Variants in ROBO1 observed in about 807,000 individuals in gnomAD.
ROBO1 encodes the protein roundabout homolog 1.
ROBO1 carries 149 observed loss-of-function variants against 195.9 expected under a neutral mutation model. The ratio of observed to expected loss-of-function variants is 0.76; its 90% confidence interval spans 0.67 to 0.87. The LOEUF is 0.87. ROBO1 is among the 40% of genes least tolerant of loss of function. The pLI, the probability that ROBO1 is intolerant of heterozygous loss-of-function variation, is 0.00. For synonymous variants in ROBO1, 816 were observed against 733.2 expected, an observed-to-expected ratio of 1.11 and a Z score of -1.82; for missense variants, 1,933 against 2,068.3, an observed-to-expected ratio of 0.93 and a Z score of 1.27.
chr3:79,549,334 A>G (rs1455029931), intron 2 of ROBO1, among the ~76,000 whole-genome samples: 4 of 152,158 alleles, frequency 2.6e-5, no homozygotes, highest in South Asian at 4.1e-4. Flanking sequence ...CATATATATG[A>G]TACACAAACA....
intron 2 of ROBO1, among the ~76,000 whole-genome samples, chr3:79,559,169 A>G (rs987102822): frequency 1.3e-5 from 2 of 152,198 alleles, no homozygotes; most frequent in Admixed American, 1.3e-4. Flanking sequence ...AGCTCTAGCC[A>G]GTCAGCTGAT....
chr3:79,405,896 T>C (rs1452300134), intron 2 of ROBO1, among the ~76,000 whole-genome samples: 1 of 152,114 alleles, frequency 6.6e-6, no homozygotes, highest in East Asian at 1.9e-4. Flanking sequence ...TCAAAACTAG[T>C]GCTCTTAAAG....
chr3:79,741,641 A>C (rs1358568736), intron 1 of ROBO1, among the ~76,000 whole-genome samples: 1 of 152,194 alleles, frequency 6.6e-6, no homozygotes, highest in Non-Finnish European at 1.5e-5. Flanking sequence ...CTATAAAGAT[A>C]TCTGAAAATG....
intron 3 of ROBO1, among the ~76,000 whole-genome samples, chr3:79,070,129 T>G (rs1488911604): frequency 6.6e-6 from 1 of 151,892 alleles, no homozygotes; most frequent in African/African-American, 2.4e-5. Context: ...ATCTCTGACC[T>G]TCTCCTGAGA....
At chr3:79,227,603 C>T (rs964849497) in intron 2 of ROBO1, among the ~76,000 whole-genome samples, 1 of 152,136 alleles carries the variant, frequency 6.6e-6, no homozygotes, top group Non-Finnish European at 1.5e-5. Flanking sequence ...ATCTCTGGTT[C>T]TGACCTCCAG....
At chr3:79,289,523 C>T (rs919823784) in intron 2 of ROBO1, among the ~76,000 whole-genome samples, 1 of 152,144 alleles carries the variant, frequency 6.6e-6, no homozygotes, top group Non-Finnish European at 1.5e-5. Context: ...TTTACTGTCT[C>T]CCTCTTGGTA....
intron 5 of ROBO1, among the ~76,000 whole-genome samples, chr3:78,720,255 C>T (rs2082009271): frequency 6.6e-6 from 1 of 152,158 alleles, no homozygotes; most frequent in Non-Finnish European, 1.5e-5. Flanking sequence ...ATGACTTGTG[C>T]AATGTCACAC....
chr3:79,274,265 C>T (rs2030828907), intron 2 of ROBO1, among the ~76,000 whole-genome samples: 2 of 151,480 alleles, frequency 1.3e-5, no homozygotes, highest in Non-Finnish European at 3.0e-5. Context: ...TATGTTAGGC[C>T]ACATTTTTTT....
At chr3:79,191,075 T>C (rs537277351) in intron 2 of ROBO1, among the ~76,000 whole-genome samples, 5 of 151,748 alleles carry the variant, frequency 3.3e-5, no homozygotes, top group Admixed American at 1.3e-4. Flanking sequence ...TTTTAAAATA[T>C]GTAGAAAATA....
At chr3:79,666,371 A>T (rs1471951780) in intron 1 of ROBO1, among the ~76,000 whole-genome samples, 1 of 151,948 alleles carries the variant, frequency 6.6e-6, no homozygotes, top group Non-Finnish European at 1.5e-5. Context: ...ACAATTGATT[A>T]GTTATTCATT....
intron 3 of ROBO1, among the ~76,000 whole-genome samples, chr3:79,060,274 C>T (rs1401532962): frequency 2.0e-5 from 3 of 151,896 alleles, no homozygotes; most frequent in African/African-American, 7.2e-5. Flanking sequence ...GGACCTTCAT[C>T]AGTAATTCTA....
chr3:79,612,044 A>G (rs1308893180), intron 1 of ROBO1, among the ~76,000 whole-genome samples: 1 of 150,866 alleles, frequency 6.6e-6, no homozygotes, highest in Non-Finnish European at 1.5e-5. Context: ...TTATTTTTTT[A>G]TACTTTTAAG....
intron 2 of ROBO1, among the ~76,000 whole-genome samples, chr3:79,513,695 C>A (rs1007457289): frequency 1.5e-4 from 16 of 109,452 alleles, no homozygotes; most frequent in African/African-American, 6.7e-4. Context: ...ATAAAAATAA[C>A]CTGAATTTGC....
chr3:78,979,434 T>C (rs2076946826), intron 3 of ROBO1, among the ~76,000 whole-genome samples: 1 of 152,224 alleles, frequency 6.6e-6, no homozygotes, highest in Non-Finnish European at 1.5e-5. Context: ...ATGGACTGAA[T>C]AATTGTTGAA....
chr3:78,702,237 A>G (rs2081437424), intron 8 of ROBO1, among the ~76,000 whole-genome samples: 1 of 152,192 alleles, frequency 6.6e-6, no homozygotes, highest in Non-Finnish European at 1.5e-5. Flanking sequence ...CATGCTGTGT[A>G]TATCTATCAA....
At chr3:78,778,159 C>T (rs770149223) in intron 4 of ROBO1, among the ~76,000 whole-genome samples, 27 of 152,116 alleles carry the variant, frequency 1.8e-4, no homozygotes, top group Non-Finnish European at 2.1e-4. Flanking sequence ...TATGTTGAAC[C>T]GGCCTTGCAT....
chr3:79,766,101 C>T (rs990009571), intron 1 of ROBO1, among the ~76,000 whole-genome samples: 4 of 130,074 alleles, frequency 3.1e-5, no homozygotes, highest in South Asian at 2.4e-4. Context: ...CTCCCTTCAT[C>T]TATAGAAGGA....
chr3:78,673,974 A>G (rs1708249393), intron 10 of ROBO1, among the ~76,000 whole-genome samples: 1 of 152,082 alleles, frequency 6.6e-6, no homozygotes. Context: ...GGGAACTGAA[A>G]CTCTAGAAGT....
At chr3:79,049,082 G>A (rs764275985) in intron 3 of ROBO1, among the ~76,000 whole-genome samples, 2 of 151,972 alleles carry the variant, frequency 1.3e-5, no homozygotes, top group Admixed American at 6.6e-5. Context: ...TCAGAAGGTC[G>A]GTAATAACAA....
Sources: gnomAD v4.1 joint callset for allele counts (sites outside exome capture counted in the v4.1 genomes callset) on GRCh38, gnomAD v4.1.1 for gene constraint, MANE v1.5 for transcripts, NCBI Gene and HGNC (gene_info 2026-07-23, HGNC 2026-07-21) for gene names.